SCN3A: variants seen among roughly 807,000 people sequenced by gnomAD.
SCN3A encodes sodium channel protein type 3 subunit alpha.
SCN3A carries 60 observed loss-of-function variants against 187.6 expected under a neutral mutation model. The observed-to-expected ratio is 0.32, with a 90% CI of 0.26 to 0.40. The LOEUF is 0.40. SCN3A is among the 10% of genes least tolerant of loss of function. The pLI is 1.00. For missense variants in SCN3A, 1,601 were observed against 2,428.2 expected, an observed-to-expected ratio of 0.66 and a Z score of 7.16; for synonymous variants, 788 against 829.2, an observed-to-expected ratio of 0.95 and a Z score of 0.85.
rs776260027 is a variant in SCN3A at position 165,162,595 on chromosome 2, T to A, written c.928A>T (p.Met310Leu). ...TAATCCTTCCAGTTAAATGTGCTCA[T>A]TGTTACATTAACAAATGTCCCATTT... ...DSNGTFVNVT[M>L]STFNWKDYIG... Residue 310 changes from methionine (M) to leucine (L), a missense_variant, in exon 8 of 28, where the codon ATG (methionine) becomes TTG (leucine). Physicochemically the swap from Met to Leu is conservative, Grantham distance 15. Transcript: ENST00000283254. 3.0e-5 allele frequency: 49 copies of A among 1,614,068 alleles called. 1 individual carries two copies. The Middle Eastern group carries it at 2.0e-3, about 65-fold the overall frequency.
intron 18 of SCN3A, among the ~76,000 whole-genome samples, chr2:165,121,903 A>G (rs1471425261): frequency 6.6e-6 from 1 of 152,176 alleles, no homozygotes; most frequent in Admixed American, 6.5e-5. Flanking sequence ...ATAACTGAAA[A>G]TAGTAAATTT....
intron 17 of SCN3A, 38 bp downstream of exon 17, chr2:165,129,902 C>T (rs1687211684): frequency 3.1e-6 from 5 of 1,613,306 alleles, no homozygotes; most frequent in Middle Eastern, 1.7e-4. Flanking sequence ...ACTGTCTGCT[C>T]TTGTTCTAAT....
intron 22 of SCN3A, among the ~76,000 whole-genome samples, chr2:165,099,534 C>T (rs1249095023): frequency 2.0e-5 from 3 of 151,992 alleles, no homozygotes; most frequent in Non-Finnish European, 4.4e-5. Flanking sequence ...CTGGCTAACA[C>T]AGTGAAACCC....
chr2:165,094,681 G>A lies in SCN3A; in HGVS notation c.4432-203C>T, dbSNP rs73969178. Among the ~76,000 whole-genome samples, 1,193 of 152,046 alleles carry A rather than the reference G, an allele frequency of 7.8e-3. 11 individuals are homozygous for A. Among genetic ancestry groups the A allele is most frequent in the African/African-American group, 0.027 (1,139 of 41,486 alleles). The stretch of plus-strand genomic sequence containing the variant: ...TCCTTACGTACATAAAACTCTGATC[G>A]CTACAGGATCCTAATTTGATTATAC... On this transcript the variant is annotated intron_variant, in intron 25 of 27. Transcript: ENST00000283254.
chr2:165,176,768 A>T (rs912763762), intron 2 of SCN3A, among the ~76,000 whole-genome samples: 1 of 152,162 alleles, frequency 6.6e-6, no homozygotes, highest in Admixed American at 6.5e-5. Flanking sequence ...AAAAGCATTT[A>T]AAAAAATTCT....
chr2:165,139,657 A>G (rs370649030), intron 13 of SCN3A, 49 bp from the exon 14 acceptor site: 71 of 1,608,476 alleles, frequency 4.4e-5, no homozygotes, highest in Non-Finnish European at 5.9e-5. Flanking sequence ...AATAAGTAAT[A>G]CAACACCACA....
chr2:165,178,834 G>A (rs775542779), intron 2 of SCN3A, among the ~76,000 whole-genome samples: 2 of 151,940 alleles, frequency 1.3e-5, no homozygotes, highest in African/African-American at 4.8e-5. Flanking sequence ...CTAAATTTAC[G>A]GGAGGCAGCA....
Position 165,163,639 on chromosome 2 carries a change from T to A in SCN3A, c.673A>T (p.Lys225Ter), listed in dbSNP as rs1689547606. ...TCACCTGGAATGACTGAAATTGTTT[T>A]CAGTGCTCGGAGAACTCTGAATGTT... is the stretch of plus-strand genomic sequence containing the variant. ...LRTFRVLRAL[K>*]TISVIPGLKT... The change falls in exon 7 of 28, where the codon AAA (lysine) becomes TAA (stop). Residue 225 changes from lysine to a stop codon, truncating the protein, a stop_gained. Transcript: ENST00000283254. LOFTEE classifies it high-confidence loss of function. 1 of 1,613,940 alleles carries A rather than the reference T, an allele frequency of 6.2e-7. No homozygotes were observed. The highest frequency in any genetic ancestry group is 8.5e-7 in the Non-Finnish European group (1 of 1,179,970).
Position 165,186,710 on chromosome 2 carries a change from T to G in SCN3A, c.-210A>C, listed in dbSNP as rs554678032. On this transcript the variant is annotated 5_prime_UTR_variant, in exon 2 of 28. Transcript: ENST00000283254. ...CAGGTATCTCATCCCTGTCAAACCT[T>G]GATGTGGCTTGGCTTCAGTTTTCTT... 1.3e-5 allele frequency: 2 copies of G among 152,282 alleles called. No individual in the cohort carries two copies. Among genetic ancestry groups the G allele is most frequent in the Non-Finnish European group, 1.5e-5 (1 of 68,044 alleles). The allele number at this position is 152,282 out of a possible 1,614,324, so 9.4% of individuals were successfully genotyped here.
At chr2:165,196,740 AT>A in intron 1 of SCN3A, among the ~76,000 whole-genome samples, 1 of 152,244 alleles carries the variant, frequency 6.6e-6, no homozygotes, top group African/African-American at 2.4e-5. Context: ...TTTAAAATGC[AT>A]TTTGGCTTTA....
chr2:165,186,005 C>G (rs1026158118), intron 2 of SCN3A, among the ~76,000 whole-genome samples: 1 of 152,162 alleles, frequency 6.6e-6, no homozygotes, highest in African/African-American at 2.4e-5. Flanking sequence ...GGCGCGATGG[C>G]TCACACCTGT....
At chr2:165,203,137 AAT>A (rs1226254600) in intron 1 of SCN3A, among the ~76,000 whole-genome samples, 1 of 151,964 alleles carries the variant, frequency 6.6e-6, no homozygotes, top group Non-Finnish European at 1.5e-5. Flanking sequence ...AACAATTAAG[AAT>A]ATATAATAAT....
Position 165,154,529 on chromosome 2 carries a change from A to T in SCN3A, c.1303T>A (p.Leu435Met), listed in dbSNP as rs888325063. Residue 435 changes from leucine to methionine, a missense_variant, in exon 11 of 28, where the codon TTG becomes ATG. Leu to Met is a conservative substitution (Grantham distance 15). This residue lies in a region of SCN3A where 376 missense variants were observed against 476.0 expected (regional missense o/e 0.79). Transcript: ENST00000283254. ...MAYEEQNQATLEEAEQKEAEF... is the reference protein window; with the variant it reads ...MAYEEQNQATMEEAEQKEAEF... Reference sequence around the variant, plus strand: ...GCCTCTTTTTGTTCTGCTTCTTCCAAGGTGGCCTGATTCTGCTCCTCATAG... The same window carrying T: ...GCCTCTTTTTGTTCTGCTTCTTCCATGGTGGCCTGATTCTGCTCCTCATAG... 6.2e-7 allele frequency: 1 copy of T among 1,614,096 alleles called. No homozygotes were observed.
chr2:165,203,460 A>T (rs955194698), intron 1 of SCN3A, among the ~76,000 whole-genome samples: 3 of 152,082 alleles, frequency 2.0e-5, no homozygotes, highest in African/African-American at 7.2e-5. Context: ...TTATGTTTAA[A>T]AAATACTGGA....
At chr2:165,101,887 A>T (rs540191084) in intron 21 of SCN3A, among the ~76,000 whole-genome samples, 3 of 152,348 alleles carry the variant, frequency 2.0e-5, no homozygotes, top group African/African-American at 7.2e-5. Flanking sequence ...TTAATTTAGC[A>T]TACATTTTAA....
chr2:165,151,721 G>T (rs1036567327), intron 11 of SCN3A, among the ~76,000 whole-genome samples: 1 of 152,130 alleles, frequency 6.6e-6, no homozygotes, highest in Non-Finnish European at 1.5e-5. Flanking sequence ...GGGTACCACA[G>T]AGGAGAGAGT....
At chr2:165,136,652 G>C (rs1211712320) in intron 15 of SCN3A, among the ~76,000 whole-genome samples, 1 of 152,164 alleles carries the variant, frequency 6.6e-6, no homozygotes, top group African/African-American at 2.4e-5. Context: ...CATGCTACTT[G>C]AAGCAGCCTT....
rs1429635198 is a variant in SCN3A at position 165,140,058 on chromosome 2, A to G, written c.2020-450T>C. ...TTGAGGCTATATTGACAATATTGACATATGTGGGCCAATTTTTTCCATGCA... is the reference window on the plus strand; with the variant it reads ...TTGAGGCTATATTGACAATATTGACGTATGTGGGCCAATTTTTTCCATGCA... On this transcript the variant is annotated intron_variant, in intron 13 of 27. Coordinates refer to ENST00000283254, the MANE Select transcript of SCN3A (RefSeq NM_006922.4). This position sits in a 1 kb window ranked among gnomAD's most constrained non-coding sequence, Gnocchi z 4.2. 6.6e-6 allele frequency among the ~76,000 whole-genome samples: 1 copy of G among 152,156 alleles called. No individual in the cohort carries two copies. Among genetic ancestry groups the G allele is most frequent in the African/African-American group, 2.4e-5 (1 of 41,444 alleles).
rs560269407 is a variant in SCN3A, at chr2:165,179,864, AT to A, written c.-50-3421del. Among the ~76,000 whole-genome samples, 4 of 152,248 alleles carry A rather than the reference AT, an allele frequency of 2.6e-5. No individual in the cohort carries two copies. In the South Asian group the frequency reaches 8.3e-4, roughly 32 times the overall value. The stretch of plus-strand genomic sequence containing the variant: ...CTCCTTTCTTGTACTCTGTGAGCTT[AT>A]TATACAGAGTTCTTACATAATTTTA... On this transcript the variant is annotated intron_variant, in intron 2 of 27. Coordinates refer to ENST00000283254, the MANE Select transcript of SCN3A (RefSeq NM_006922.4).
Sources: gnomAD v4.1 joint callset for allele counts (sites outside exome capture counted in the v4.1 genomes callset) on GRCh38, gnomAD v4.1.1 for gene constraint, gnomAD v4.1.1 regional missense constraint, Gnocchi (gnomAD v3.1) non-coding constraint, MANE v1.5 for transcripts, NCBI Gene and HGNC (gene_info 2026-07-23, HGNC 2026-07-21) for gene names.